The following SPNS2 variants were observed in gnomAD, a reference collection of about 807,000 sequenced individuals.
The protein encoded by SPNS2 is sphingosine-1-phosphate transporter SPNS2.
In SPNS2, 37 loss-of-function variants were observed where a neutral mutation model predicts 57.6. The ratio of observed to expected loss-of-function variants is 0.64; its 90% confidence interval spans 0.49 to 0.85. SPNS2 has a LOEUF of 0.85. Ranked by LOEUF, SPNS2 falls within the 40% of genes least tolerant of loss-of-function variation. The probability of loss-of-function intolerance (pLI) is 0.00; values close to 1 mark genes in which losing one functional copy is unlikely to be tolerated. For synonymous variants in SPNS2, 440 were observed against 346.9 expected, an observed-to-expected ratio of 1.27 and a Z score of -2.98; for missense variants, 831 against 779.1, an observed-to-expected ratio of 1.07 and a Z score of -0.79.
chr17:4,537,743 G>C lies in SPNS2; in HGVS notation c.*295G>C, dbSNP rs747478530. 4.2e-5 allele frequency: 19 copies of C among 456,486 alleles called. No individual in the cohort carries two copies. The highest frequency in any genetic ancestry group is 2.5e-4 in the South Asian group (16 of 64,572). 28.3% of individuals were successfully genotyped at this position (456,486 alleles called of 1,614,324 possible). A position where few individuals can be genotyped will look rare whatever the true frequency, so the allele number is the denominator to read the frequency against. On this transcript the variant is annotated 3_prime_UTR_variant, in exon 13 of 13. Coordinates refer to ENST00000329078, the MANE Select transcript of SPNS2 (RefSeq NM_001124758.3). The stretch of plus-strand genomic sequence containing the variant: ...AGAAGACAGCCCCAAGTGGGTGTCC[G>C]GGGAGAGCCTGGCCTGCCACCAGCT...
rs1367230436 is a variant in SPNS2, at chr17:4,512,101, C to A, written c.371-1146C>A. Among the ~76,000 whole-genome samples the A allele has an allele frequency of 1.3e-5, 2 of 152,228 alleles. No individual in the cohort carries two copies. Among genetic ancestry groups the A allele is most frequent in the African/African-American group, 4.8e-5 (2 of 41,460 alleles). The stretch of plus-strand genomic sequence containing the variant: ...TCGGCAAACCATCATCTGTTGAATG[C>A]TGCCATCATCATCGTCATCATGAAG... On this transcript the variant is annotated intron_variant, in intron 1 of 12. Transcript: ENST00000329078. This position sits in a 1 kb window ranked among gnomAD's most constrained non-coding sequence, Gnocchi z 5.2.
In SPNS2 at chr17:4,539,025, T is replaced by C; in HGVS notation, c.*1577T>C. The C allele has an allele frequency of 1.2e-6, 1 of 848,578 alleles. No homozygotes were observed. Among genetic ancestry groups the C allele is most frequent in the Non-Finnish European group, 2.1e-6 (1 of 481,120 alleles). 52.6% of individuals were successfully genotyped at this position (848,578 alleles called of 1,614,324 possible). ...CCTCTTGTAAATGAAGAAATAAACC[T>C]ATTTAAATCACCCCCTGGTGGCTCC... On this transcript the variant is annotated 3_prime_UTR_variant, in exon 13 of 13. Transcript: ENST00000329078.
intron 1 of SPNS2, among the ~76,000 whole-genome samples, chr17:4,504,062 A>G (rs1904606156): frequency 6.7e-6 from 1 of 149,364 alleles, no homozygotes; most frequent in African/African-American, 2.5e-5. Flanking sequence ...GGTCTTTTAC[A>G]GGGTCACCTG....
At chr17:4,503,999 G>GTTTTTTTTTTTTTTTAT (rs1904604886) in intron 1 of SPNS2, among the ~76,000 whole-genome samples, 1 of 66,458 alleles carries the variant, frequency 1.5e-5, no homozygotes. Flanking sequence ...TTTTTTTTTG[G>GTTTTTTTTTTTTTTTAT]TCTGTCCTGT....
At chr17:4,536,454 TGCACCGCCGGGAA>T (rs1567598132) in intron 11 of SPNS2, 28 bp downstream of exon 11, 1 of 1,578,664 alleles carries the variant, frequency 6.3e-7, no homozygotes, top group South Asian at 1.1e-5. Flanking sequence ...GAGGCCCTGC[TGCACCGCCGGGAA>T]GCAGGGACCG....
chr17:4,513,928 T>C (rs1904919152), intron 2 of SPNS2, among the ~76,000 whole-genome samples: 1 of 152,236 alleles, frequency 6.6e-6, no homozygotes, highest in African/African-American at 2.4e-5. Context: ...GAGCAGGGCC[T>C]GAGCCCCCAG....
intron 3 of SPNS2, among the ~76,000 whole-genome samples, chr17:4,526,593 A>G (rs1243687093): frequency 2.0e-5 from 3 of 149,346 alleles, no homozygotes; most frequent in Non-Finnish European, 4.5e-5. Flanking sequence ...ACAAGAGCAA[A>G]ACTCCATCTC....
chr17:4,536,301 G>C lies in SPNS2; in HGVS notation c.1482G>C (p.Pro494=). 6.2e-7 allele frequency: 1 copy of C among 1,612,614 alleles called. No individual in the cohort carries two copies. Among genetic ancestry groups the C allele is most frequent in the Non-Finnish European group, 8.5e-7 (1 of 1,179,962 alleles). Residue 494 remains proline, a synonymous_variant, in exon 11 of 13, where the codon CCG becomes CCC. Coordinates refer to ENST00000329078, the MANE Select transcript of SPNS2 (RefSeq NM_001124758.3). ...TCCGCCAGAGCACTAAGGACTCCCC[G>C]CTCTGGGAGTTCCTGAGCCTGGGCT... The part of the protein sequence containing the change: ...DLIRQSTKDS[P]LWEFLSLGYA...
Position 4,534,881 on chromosome 17 carries a change from C to G in SPNS2, c.1344+1028C>G, listed in dbSNP as rs543690500. 1.9e-3 allele frequency among the ~76,000 whole-genome samples: 288 copies of G among 152,240 alleles called. 1 individual carries two copies. The highest frequency in any genetic ancestry group is 6.6e-3 in the African/African-American group (274 of 41,540). On this transcript the variant is annotated intron_variant, in intron 9 of 12. Coordinates refer to ENST00000329078, the MANE Select transcript of SPNS2 (RefSeq NM_001124758.3). Reference sequence around the variant, plus strand: ...GGACCCCCTCTCCTGCCTCCACCCCCAGGGAGCGCCTGACAGCTGCCGGCA... The same window carrying G: ...GGACCCCCTCTCCTGCCTCCACCCCGAGGGAGCGCCTGACAGCTGCCGGCA...
Position 4,513,350 on chromosome 17 carries a change from C to T in SPNS2, c.436+38C>T, listed in dbSNP as rs199825244. The T allele has an allele frequency of 7.0e-5, 112 of 1,608,090 alleles. 2 individuals carry two copies. The Admixed American group carries it at 1.1e-3, about 16-fold the overall frequency. ...TCCCACCTTCCCCCCCACGCCCAGG[C>T]GTTGGCGTCGTGGGTCCTGTCCTGT... On this transcript the variant is annotated intron_variant, in intron 2 of 12. Coordinates refer to ENST00000329078, the MANE Select transcript of SPNS2 (RefSeq NM_001124758.3).
At chr17:4,527,574 G>A (rs1905291921) in intron 3 of SPNS2, among the ~76,000 whole-genome samples, 1 of 152,242 alleles carries the variant, frequency 6.6e-6, no homozygotes, top group South Asian at 2.1e-4. Flanking sequence ...GTAGAAAAAT[G>A]GGCACGGGAT....
chr17:4,536,685 C>A, intron 11 of SPNS2: 1 of 637,280 alleles, frequency 1.6e-6, no homozygotes, highest in Non-Finnish European at 2.7e-6. Context: ...GGGCCCCTCC[C>A]CTTCCTCTTA....
At chr17:4,516,564 G>A (rs932738487) in intron 2 of SPNS2, among the ~76,000 whole-genome samples, 1 of 151,732 alleles carries the variant, frequency 6.6e-6, no homozygotes, top group Admixed American at 6.6e-5. Flanking sequence ...GAGCCTGGGT[G>A]GACGGCAGAG....
In SPNS2 at chr17:4,515,986, A is replaced by G. The variant is rs4499296; in HGVS notation, c.436+2674A>G. Reference sequence around the variant, plus strand: ...GGCCCCTGGACCCCCTGCAGGAGCCATATCTCAGGCTCTCTGAAAGCCCAC... The same window carrying G: ...GGCCCCTGGACCCCCTGCAGGAGCCGTATCTCAGGCTCTCTGAAAGCCCAC... On this transcript the variant is annotated intron_variant, in intron 2 of 12. Coordinates refer to ENST00000329078, the MANE Select transcript of SPNS2 (RefSeq NM_001124758.3). Among the ~76,000 whole-genome samples the G allele has an allele frequency of 8.6e-5, 13 of 151,908 alleles. No homozygotes were observed. The East Asian group carries it at 2.5e-3, about 29-fold the overall frequency.
At chr17:4,506,973 G>T (rs1904696271) in intron 1 of SPNS2, among the ~76,000 whole-genome samples, 1 of 152,228 alleles carries the variant, frequency 6.6e-6, no homozygotes, top group Non-Finnish European at 1.5e-5. Context: ...GCAGACGGGG[G>T]CAGGATCTTG....
At chr17:4,502,642 C>T (rs1358008829) in intron 1 of SPNS2, among the ~76,000 whole-genome samples, 1 of 152,168 alleles carries the variant, frequency 6.6e-6, no homozygotes, top group Non-Finnish European at 1.5e-5. Flanking sequence ...TGATCATTCC[C>T]CTCCCGCCTG....
At chr17:4,527,136 C>G (rs1184949553) in intron 3 of SPNS2, among the ~76,000 whole-genome samples, 1 of 152,222 alleles carries the variant, frequency 6.6e-6, no homozygotes, top group African/African-American at 2.4e-5. Flanking sequence ...TCCAGTGAAT[C>G]CATAAATGCA....
At chr17:4,536,548 C>T in intron 11 of SPNS2, 122 bp downstream of exon 11, 1 of 1,233,176 alleles carries the variant, frequency 8.1e-7, no homozygotes, top group Non-Finnish European at 1.1e-6. Context: ...CTCAGTGCAC[C>T]CACTGGTTGC....
intron 8 of SPNS2, 75 bp downstream of exon 8, chr17:4,533,507 G>A: frequency 2.8e-6 from 4 of 1,444,538 alleles, no homozygotes; most frequent in Non-Finnish European, 3.7e-6. Context: ...AGGACATTCG[G>A]TCTGACTTAC....
Sources: allele counts gnomAD v4.1 joint callset (sites outside exome capture counted in the v4.1 genomes callset), GRCh38; gene constraint gnomAD v4.1.1; non-coding constraint Gnocchi (gnomAD v3.1); transcripts MANE v1.5; gene names NCBI Gene and HGNC (gene_info 2026-07-23, HGNC 2026-07-21).